Variants in ADAM17 observed in about 807,000 individuals in gnomAD.
ADAM17 encodes disintegrin and metalloproteinase domain-containing protein 17.
Under a neutral mutation model 96.7 loss-of-function variants are expected in ADAM17, and 39 were observed. That is an observed-to-expected ratio of 0.40 (90% CI 0.31 to 0.53). ADAM17 has a LOEUF of 0.53. Among genes scored for constraint, ADAM17 ranks in the 20% least tolerant of loss-of-function variants. The probability of loss-of-function intolerance (pLI) is 0.44; values close to 1 mark genes in which losing one functional copy is unlikely to be tolerated. For synonymous variants in ADAM17, 344 were observed against 359.2 expected (o/e 0.96, Z 0.48); for missense variants, 777 against 1,013.2 (o/e 0.77, Z 3.17).
At chr2:9,531,966 G>C (rs967258080) in intron 4 of ADAM17, among the ~76,000 whole-genome samples, 2 of 152,092 alleles carry the variant, frequency 1.3e-5, no homozygotes, top group Non-Finnish European at 2.9e-5. Flanking sequence ...TAACAAATTA[G>C]TTGGGCATGG....
In ADAM17 at chr2:9,489,092, A is replaced by C. The variant is rs1021800364; in HGVS notation, c.*1085T>G. On this transcript the variant is annotated 3_prime_UTR_variant, in exon 19 of 19. Coordinates refer to ENST00000310823, the MANE Select transcript of ADAM17 (RefSeq NM_003183.6). ...ATCAAGTCTTGTGGGGACAGCCCCC[A>C]ACCCTAAGGGCAGGTAGTATTCTAT... is the stretch of plus-strand genomic sequence containing the variant. 3.3e-5 allele frequency: 5 copies of C among 152,244 alleles called. No homozygotes were observed. The highest frequency in any genetic ancestry group is 1.2e-4 in the African/African-American group (5 of 41,536). The allele number at this position is 152,244 out of a possible 1,614,324, so 9.4% of individuals were successfully genotyped here. A position where few individuals can be genotyped will look rare whatever the true frequency, so the allele number is the denominator to read the frequency against.
At position 9,502,208 on chromosome 2, in the gene ADAM17, A is replaced by G. The variant is rs777392691; in HGVS notation, c.1613T>C (p.Ile538Thr). The change falls in exon 13 of 19, where the codon ATT becomes ACT. Residue 538 changes from isoleucine (I) to threonine (T), a missense_variant. Ile to Thr is a moderately conservative substitution (Grantham distance 89). This residue lies in a region of ADAM17 where 446 missense variants were observed against 664.7 expected (regional missense o/e 0.67). Coordinates refer to ENST00000310823, the MANE Select transcript of ADAM17 (RefSeq NM_003183.6). ...GGACACGCCTTTGCAAGTAGCATTAATCGCCTCCTGGCACTTCTTCTGGGC... is the reference window on the plus strand; with the variant it reads ...GGACACGCCTTTGCAAGTAGCATTAGTCGCCTCCTGGCACTTCTTCTGGGC... Reference protein sequence around the residue: ...ETAQKKCQEAINATCKGVSYC... With the variant: ...ETAQKKCQEATNATCKGVSYC... The G allele has an allele frequency of 6.2e-7, 1 of 1,614,166 alleles. No homozygotes were observed. Among genetic ancestry groups the G allele is most frequent in the Non-Finnish European group, 8.5e-7 (1 of 1,180,044 alleles).
At chr2:9,532,061 T>C (rs1664764890) in intron 4 of ADAM17, among the ~76,000 whole-genome samples, 1 of 152,176 alleles carries the variant, frequency 6.6e-6, no homozygotes, top group South Asian at 2.1e-4. Flanking sequence ...CAGTGAGCTA[T>C]GATGGCACCA....
At chr2:9,544,082 C>T (rs949421785) in intron 1 of ADAM17, among the ~76,000 whole-genome samples, 1 of 152,128 alleles carries the variant, frequency 6.6e-6, no homozygotes, top group African/African-American at 2.4e-5. Context: ...GAGACACCCC[C>T]CACCTTTCCC....
intron 14 of ADAM17, 121 bp from the exon 15 acceptor site, chr2:9,494,888 A>T: frequency 7.9e-7 from 1 of 1,267,176 alleles, no homozygotes; most frequent in Non-Finnish European, 1.1e-6. Flanking sequence ...TTTTTTATTT[A>T]AATAGCTAAT....
At chr2:9,523,457 T>C (rs1304992684) in intron 6 of ADAM17, 119 bp from the exon 7 acceptor site, 1 of 828,662 alleles carries the variant, frequency 1.2e-6, no homozygotes. Context: ...CAAAAGTTTC[T>C]ACTTTCGCAA....
At chr2:9,547,529 G>C (rs570714208) in intron 1 of ADAM17, among the ~76,000 whole-genome samples, 7 of 152,172 alleles carry the variant, frequency 4.6e-5, no homozygotes, top group Non-Finnish European at 8.8e-5. Context: ...AGAAGGAAAA[G>C]AAAGGAGAGG....
intron 6 of ADAM17, 42 bp downstream of exon 6, chr2:9,526,069 A>C (rs759144907): frequency 1.3e-5 from 20 of 1,552,136 alleles, no homozygotes; most frequent in Non-Finnish European, 1.7e-5. Flanking sequence ...GTACCCACCC[A>C]AATTTTTTTT....
At chr2:9,524,857 C>T (rs761618194) in intron 6 of ADAM17, among the ~76,000 whole-genome samples, 3 of 152,118 alleles carry the variant, frequency 2.0e-5, no homozygotes, top group Non-Finnish European at 2.9e-5. Context: ...TGCTAATTAC[C>T]TATCTTTTTC....
chr2:9,553,922 C>T (rs1665661400), intron 1 of ADAM17, among the ~76,000 whole-genome samples: 3 of 151,698 alleles, frequency 2.0e-5, no homozygotes, highest in South Asian at 2.1e-4. Context: ...ATTAGCTGGG[C>T]GTGGTGGCAC....
At chr2:9,502,127 A>C in intron 13 of ADAM17, 46 bp downstream of exon 13, 4 of 1,505,434 alleles carry the variant, frequency 2.7e-6, no homozygotes, top group Non-Finnish European at 3.7e-6. Flanking sequence ...AAAGACACAC[A>C]CACACTTGAC....
intron 11 of ADAM17, among the ~76,000 whole-genome samples, chr2:9,508,698 G>A (rs1663557759): frequency 2.0e-5 from 3 of 152,266 alleles, no homozygotes; most frequent in South Asian, 4.1e-4. Flanking sequence ...TGGGCTAGTG[G>A]CTACTATACT....
chr2:9,552,806 C>A (rs1376690428), intron 1 of ADAM17, among the ~76,000 whole-genome samples: 2 of 152,140 alleles, frequency 1.3e-5, no homozygotes, highest in African/African-American at 2.4e-5. Flanking sequence ...CATAACAGTT[C>A]AATTGAAATC....
At chr2:9,505,987 C>T (rs1432765319) in intron 11 of ADAM17, among the ~76,000 whole-genome samples, 1 of 152,200 alleles carries the variant, frequency 6.6e-6, no homozygotes, top group East Asian at 1.9e-4. Flanking sequence ...AGTCTCTACA[C>T]TACCTTCCCA....
At chr2:9,548,201 A>G (rs1418040764) in intron 1 of ADAM17, among the ~76,000 whole-genome samples, 1 of 152,140 alleles carries the variant, frequency 6.6e-6, no homozygotes, top group Non-Finnish European at 1.5e-5. Flanking sequence ...GCGTGGTAGC[A>G]GGTGCGTATA....
rs775368008 is a variant in ADAM17 at position 9,490,516 on chromosome 2, G to A, written c.2136C>T (p.Asn712=). ...AATCCATGCTGCTCAGCATTTCGAC[G>A]TTCTGCAAAGACATGGGTTCAATTG... ...YESLSLFHPS[N]VEMLSSMDSA... Residue 712 remains asparagine (N), a splice_region_variant and synonymous_variant, in exon 19 of 19, where the codon AAC becomes AAT. Transcript: ENST00000310823. The A allele has an allele frequency of 1.2e-5, 20 of 1,609,394 alleles. No individual in the cohort carries two copies. Among genetic ancestry groups the A allele is most frequent in the Admixed American group, 8.4e-5 (5 of 59,758 alleles).
intron 1 of ADAM17, among the ~76,000 whole-genome samples, chr2:9,545,820 G>A (rs1665385619): frequency 6.6e-6 from 1 of 151,966 alleles, no homozygotes; most frequent in South Asian, 2.1e-4. Flanking sequence ...GGGGCTGAGG[G>A]CGGTGGCTCG....
intron 2 of ADAM17, among the ~76,000 whole-genome samples, chr2:9,539,655 T>C (rs879036690): frequency 1.3e-5 from 2 of 152,212 alleles, no homozygotes; most frequent in Admixed American, 6.5e-5. Flanking sequence ...AGGGGTTTCA[T>C]AGAGTTAATT....
At chr2:9,493,881 C>T in intron 15 of ADAM17, 56 bp from the exon 16 acceptor site, 3 of 1,440,964 alleles carry the variant, frequency 2.1e-6, no homozygotes, top group Admixed American at 1.8e-5. Flanking sequence ...TATTCAGAAG[C>T]AATGTAGCTT....
Sources: allele counts gnomAD v4.1 joint callset (sites outside exome capture counted in the v4.1 genomes callset), GRCh38; gene constraint gnomAD v4.1.1; regional missense constraint gnomAD v4.1.1; transcripts MANE v1.5; gene names NCBI Gene and HGNC (gene_info 2026-07-23, HGNC 2026-07-21).